Variants in TSPAN9 observed in about 807,000 individuals in gnomAD.
The protein encoded by TSPAN9 is tetraspanin 9.
In TSPAN9, 16 loss-of-function variants were observed where a neutral mutation model predicts 31.0. That is an observed-to-expected ratio of 0.52 (90% CI 0.35 to 0.78). The LOEUF (loss-of-function observed/expected upper bound fraction) is 0.78. Among genes scored for constraint, TSPAN9 ranks in the 30% least tolerant of loss-of-function variants. The probability of loss-of-function intolerance (pLI) is 0.01; values close to 1 mark genes in which losing one functional copy is unlikely to be tolerated. For synonymous variants in TSPAN9, 145 were observed against 121.6 expected (o/e 1.19, Z -1.27); for missense variants, 272 against 312.5 (o/e 0.87, Z 0.98).
intron 3 of TSPAN9, among the ~76,000 whole-genome samples, chr12:3,203,859 G>C (rs1361338823): frequency 1.3e-5 from 2 of 152,126 alleles, no homozygotes; most frequent in Admixed American, 1.3e-4. Context: ...GCCAGGATGT[G>C]GGGGCTGTGG....
chr12:3,205,725 C>CT (rs1555151730), intron 3 of TSPAN9, among the ~76,000 whole-genome samples: 9 of 102,198 alleles, frequency 8.8e-5, no homozygotes, highest in African/African-American at 1.2e-4. Flanking sequence ...TAGGCCCCCC[C>CT]CCCCCAGAGT....
intron 2 of TSPAN9, among the ~76,000 whole-genome samples, chr12:3,133,156 G>A (rs2098330552): frequency 6.6e-6 from 1 of 152,094 alleles, no homozygotes; most frequent in African/African-American, 2.4e-5. Context: ...GTATTTTGGG[G>A]GCAGAGAGTT....
intron 3 of TSPAN9, among the ~76,000 whole-genome samples, chr12:3,271,345 A>G (rs1008688065): frequency 1.3e-5 from 2 of 152,222 alleles, no homozygotes; most frequent in African/African-American, 4.8e-5. Flanking sequence ...CTGAATTACT[A>G]GAAGTATAGA....
chr12:3,219,938 T>G (rs960470676), intron 3 of TSPAN9, among the ~76,000 whole-genome samples: 1 of 151,390 alleles, frequency 6.6e-6, no homozygotes, highest in Non-Finnish European at 1.5e-5. Flanking sequence ...GCGGATCACC[T>G]GAGGTCAGGA....
Position 3,186,485 on chromosome 12 carries a change from A to G in TSPAN9, c.-17-14692A>G, listed in dbSNP as rs149629246. 3.0e-3 allele frequency among the ~76,000 whole-genome samples: 459 copies of G among 152,194 alleles called. 2 individuals are homozygous for G. Among genetic ancestry groups the G allele is most frequent in the African/African-American group, 8.2e-3 (342 of 41,516 alleles). ...GGGGACAGCCAATGTAAAGTCTCCA[A>G]TGTAAGAAACAGCACAGAGGACAAT... On this transcript the variant is annotated intron_variant, in intron 2 of 8. Transcript: ENST00000011898.
At chr12:3,139,243 C>T (rs11062525) in intron 2 of TSPAN9, among the ~76,000 whole-genome samples, 32,568 of 152,198 alleles carry the variant, frequency 0.21, 3,760 homozygotes, top group East Asian at 0.32. Flanking sequence ...GGAGAGAAAT[C>T]CTTGGCAGGG....
intron 3 of TSPAN9, among the ~76,000 whole-genome samples, chr12:3,253,747 G>A (rs1862296726): frequency 1.3e-5 from 2 of 152,214 alleles, no homozygotes; most frequent in Admixed American, 6.5e-5. Flanking sequence ...GAGGCTGGTG[G>A]TGGTGGTGAC....
At chr12:3,131,742 C>T (rs2098329904) in intron 2 of TSPAN9, among the ~76,000 whole-genome samples, 1 of 151,250 alleles carries the variant, frequency 6.6e-6, no homozygotes, top group Admixed American at 6.6e-5. Flanking sequence ...CCAAAGTCCT[C>T]GCAATTTTTT....
intron 2 of TSPAN9, among the ~76,000 whole-genome samples, chr12:3,121,590 C>G (rs932156375): frequency 3.3e-5 from 4 of 122,646 alleles, no homozygotes; most frequent in Admixed American, 1.1e-4. Context: ...GTTTTCCAGG[C>G]TGGTCTCAAA....
chr12:3,225,958 C>T (rs2098386955), intron 3 of TSPAN9, among the ~76,000 whole-genome samples: 1 of 152,064 alleles, frequency 6.6e-6, no homozygotes, highest in Admixed American at 6.6e-5. Context: ...AGCTGGGGAC[C>T]ATTTTTTCTT....
At chr12:3,234,887 G>A (rs1392195574) in intron 3 of TSPAN9, among the ~76,000 whole-genome samples, 3 of 151,950 alleles carry the variant, frequency 2.0e-5, no homozygotes, top group Non-Finnish European at 4.4e-5. Context: ...GAGGCCGGGC[G>A]TGGTGGCTTA....
intron 3 of TSPAN9, among the ~76,000 whole-genome samples, chr12:3,209,983 A>G: frequency 1.1e-5 from 1 of 95,000 alleles, no homozygotes; most frequent in Non-Finnish European, 2.5e-5. Flanking sequence ...AAAAAAAAAA[A>G]AAATTAGCCG....
chr12:3,268,878 G>A (rs1173407427), intron 3 of TSPAN9, among the ~76,000 whole-genome samples: 3 of 102,086 alleles, frequency 2.9e-5, no homozygotes, highest in South Asian at 4.3e-4. Context: ...CCCTCTGTGC[G>A]TTCCTGCAGC....
intron 2 of TSPAN9, among the ~76,000 whole-genome samples, chr12:3,163,220 G>A (rs187974736): frequency 7.2e-5 from 11 of 152,280 alleles, no homozygotes; most frequent in Admixed American, 4.6e-4. Flanking sequence ...CTCATTCCCC[G>A]TTGCTCTCTG....
intron 2 of TSPAN9, among the ~76,000 whole-genome samples, chr12:3,194,401 T>G (rs545091500): frequency 6.6e-6 from 1 of 152,206 alleles, no homozygotes; most frequent in South Asian, 2.1e-4. Context: ...TTTCTTTTCT[T>G]TTTTGAGATA....
intron 2 of TSPAN9, among the ~76,000 whole-genome samples, chr12:3,105,812 A>ATGCG (rs1565577407): frequency 6.7e-6 from 1 of 149,106 alleles, no homozygotes; most frequent in Non-Finnish European, 1.5e-5. Flanking sequence ...ATGCGCACAC[A>ATGCG]CGCACACGCG....
At chr12:3,245,142 C>A (rs554509610) in intron 3 of TSPAN9, among the ~76,000 whole-genome samples, 2 of 152,246 alleles carry the variant, frequency 1.3e-5, no homozygotes, top group East Asian at 3.8e-4. Context: ...CTCTGCTTCT[C>A]TCTGGCAGCG....
At chr12:3,230,811 G>C (rs1346327116) in intron 3 of TSPAN9, among the ~76,000 whole-genome samples, 1 of 152,162 alleles carries the variant, frequency 6.6e-6, no homozygotes, top group African/African-American at 2.4e-5. Flanking sequence ...CCCCCGAGGA[G>C]ATATCAAGTT....
At chr12:3,188,505 G>A (rs959766862) in intron 2 of TSPAN9, among the ~76,000 whole-genome samples, 1 of 152,162 alleles carries the variant, frequency 6.6e-6, no homozygotes, top group African/African-American at 2.4e-5. Context: ...CAGTGCCCAG[G>A]GTGTGTCCCT....
Sources: gnomAD v4.1 joint callset for allele counts (sites outside exome capture counted in the v4.1 genomes callset) on GRCh38, gnomAD v4.1.1 for gene constraint, MANE v1.5 for transcripts, NCBI Gene and HGNC (gene_info 2026-07-23, HGNC 2026-07-21) for gene names.